Variants in CTIF observed in about 807,000 individuals in gnomAD.
CTIF encodes the protein CBP80/20-dependent translation initiation factor.
In CTIF, 21 loss-of-function variants were observed where a neutral mutation model predicts 66.0. The ratio of observed to expected loss-of-function variants is 0.32; its 90% CI spans 0.23 to 0.46. The LOEUF (loss-of-function observed/expected upper bound fraction) is 0.46, where lower values mean the gene tolerates loss of function less well. Among genes scored for constraint, CTIF ranks in the 20% least tolerant of loss-of-function variants. The pLI is 1.00. For missense variants in CTIF, 739 were observed against 812.7 expected (o/e 0.91, Z 1.10); for synonymous variants, 345 against 326.4 (o/e 1.06, Z -0.62).
intron 7 of CTIF, among the ~76,000 whole-genome samples, chr18:48,742,528 A>C (rs1392594709): frequency 6.6e-6 from 1 of 152,234 alleles, no homozygotes; most frequent in Non-Finnish European, 1.5e-5. Context: ...AGACAGCGAG[A>C]GCACCATGCC....
intron 10 of CTIF, among the ~76,000 whole-genome samples, chr18:48,832,062 C>CA (rs1326895553): frequency 1.3e-5 from 2 of 152,070 alleles, no homozygotes; most frequent in African/African-American, 2.4e-5. Flanking sequence ...CTCATAGCAC[C>CA]AGGCAGCAAA....
intron 3 of CTIF, among the ~76,000 whole-genome samples, chr18:48,654,561 T>TGTG (rs1330852198): frequency 6.6e-6 from 1 of 152,216 alleles, no homozygotes; most frequent in Non-Finnish European, 1.5e-5. Context: ...TGGAAGACAG[T>TGTG]GTGGTGATTC....
intron 7 of CTIF, among the ~76,000 whole-genome samples, chr18:48,740,792 C>A (rs1270811330): frequency 6.6e-6 from 1 of 152,144 alleles, no homozygotes; most frequent in African/African-American, 2.4e-5. Flanking sequence ...TACCCGTGGT[C>A]AACTCATTAA....
At chr18:48,738,564 G>C (rs931023735) in intron 7 of CTIF, among the ~76,000 whole-genome samples, 2 of 151,788 alleles carry the variant, frequency 1.3e-5, no homozygotes, top group African/African-American at 4.8e-5. Context: ...CTTCTCCTGG[G>C]TATTTGCATG....
intron 1 of CTIF, among the ~76,000 whole-genome samples, chr18:48,556,193 T>A (rs1190612500): frequency 6.6e-6 from 1 of 152,318 alleles, no homozygotes; most frequent in East Asian, 1.9e-4. Flanking sequence ...GCAGCATCTC[T>A]GCCTTAGATG....
intron 9 of CTIF, among the ~76,000 whole-genome samples, chr18:48,775,983 A>G (rs1910633311): frequency 6.6e-6 from 1 of 152,236 alleles, no homozygotes; most frequent in Non-Finnish European, 1.5e-5. Flanking sequence ...TTTCAGGCCA[A>G]GACCATATTT....
At chr18:48,821,684 C>G (rs1430493473) in intron 10 of CTIF, among the ~76,000 whole-genome samples, 1 of 152,220 alleles carries the variant, frequency 6.6e-6, no homozygotes, top group African/African-American at 2.4e-5. Context: ...TAGTTTCTGC[C>G]GAGGTGGTTT....
chr18:48,742,596 G>T (rs893928833), intron 7 of CTIF, among the ~76,000 whole-genome samples: 9 of 152,246 alleles, frequency 5.9e-5, no homozygotes, highest in African/African-American at 2.2e-4. Context: ...AGCAGCAGCG[G>T]GATCAACTTA....
At chr18:48,774,837 C>T (rs1028421524) in intron 9 of CTIF, among the ~76,000 whole-genome samples, 1 of 152,198 alleles carries the variant, frequency 6.6e-6, no homozygotes, top group African/African-American at 2.4e-5. Flanking sequence ...CAGACTCCAG[C>T]TAAAGCTGGT....
intron 9 of CTIF, among the ~76,000 whole-genome samples, chr18:48,787,045 TG>T (rs1911772638): frequency 6.6e-6 from 1 of 152,280 alleles, no homozygotes; most frequent in East Asian, 1.9e-4. Context: ...AGGGGCCCTG[TG>T]GCTGGGAGTT....
intron 10 of CTIF, among the ~76,000 whole-genome samples, chr18:48,818,275 C>T (rs1415395955): frequency 1.3e-5 from 2 of 152,130 alleles, no homozygotes; most frequent in Admixed American, 1.3e-4. Context: ...AAGACAGCCT[C>T]GGAGTGAGGG....
intron 10 of CTIF, among the ~76,000 whole-genome samples, chr18:48,832,566 G>A (rs2068716530): frequency 6.6e-6 from 1 of 152,204 alleles, no homozygotes; most frequent in Non-Finnish European, 1.5e-5. Flanking sequence ...GCAGGGCTGG[G>A]CAGCTGCCAC....
At chr18:48,613,689 T>A (rs1173139828) in intron 1 of CTIF, among the ~76,000 whole-genome samples, 1 of 152,164 alleles carries the variant, frequency 6.6e-6, no homozygotes, top group African/African-American at 2.4e-5. Flanking sequence ...TTAACAGAGA[T>A]GCAGACCCAG....
At chr18:48,662,818 G>T (rs2091368987) in intron 3 of CTIF, among the ~76,000 whole-genome samples, 1 of 151,960 alleles carries the variant, frequency 6.6e-6, no homozygotes, top group Non-Finnish European at 1.5e-5. Flanking sequence ...TATTCATATT[G>T]CTGCATGTTA....
chr18:48,793,944 C>T, intron 9 of CTIF, among the ~76,000 whole-genome samples: 1 of 152,202 alleles, frequency 6.6e-6, no homozygotes, highest in East Asian at 1.9e-4. Context: ...CCACCCATGC[C>T]CGCACAGTGC....
At chr18:48,711,798 T>A in intron 7 of CTIF, 103 bp downstream of exon 7, 1 of 946,916 alleles carries the variant, frequency 1.1e-6, no homozygotes, top group Non-Finnish European at 1.7e-6. Context: ...AGTCACCAGC[T>A]GATCCTGATG....
rs150436238 is a variant in CTIF at position 48,758,202 on chromosome 18, G to A, written c.868G>A (p.Gly290Arg). Residue 290 changes from glycine to arginine, a missense_variant, in exon 8 of 12, where the codon GGG becomes AGG. Transcript: ENST00000256413. ...ACTGGAGGACACTGCAGGGGACACCGGGCACAGCAGCCTTGAGGCCCCCCG... is the reference window on the plus strand; with the variant it reads ...ACTGGAGGACACTGCAGGGGACACCAGGCACAGCAGCCTTGAGGCCCCCCG... ...PKLEDTAGDT[G>R]HSSLEAPRSP... 2.2e-5 allele frequency: 35 copies of A among 1,613,482 alleles called. No individual in the cohort carries two copies. Among genetic ancestry groups the A allele is most frequent in the Admixed American group, 1.2e-4 (7 of 59,974 alleles).
At chr18:48,602,678 G>A (rs1257765334) in intron 1 of CTIF, among the ~76,000 whole-genome samples, 1 of 152,214 alleles carries the variant, frequency 6.6e-6, no homozygotes, top group African/African-American at 2.4e-5. Context: ...GGCCCCTGTA[G>A]CACTTGACCC....
chr18:48,573,112 T>C (rs1367167269), intron 1 of CTIF, among the ~76,000 whole-genome samples: 3 of 152,246 alleles, frequency 2.0e-5, no homozygotes, highest in Non-Finnish European at 2.9e-5. Flanking sequence ...AAGCAGTCTT[T>C]AAGGACAAGA....
Sources: allele counts gnomAD v4.1 joint callset (sites outside exome capture counted in the v4.1 genomes callset), GRCh38; gene constraint gnomAD v4.1.1; transcripts MANE v1.5; gene names NCBI Gene and HGNC (gene_info 2026-07-23, HGNC 2026-07-21).